The following CD200R1L variants were observed in gnomAD, a reference collection of about 807,000 sequenced individuals.
CD200R1L encodes the protein cell surface glycoprotein CD200 receptor 2.
A neutral mutation model predicts 24.8 loss-of-function variants in CD200R1L; 14 were observed. That is an observed-to-expected ratio of 0.56 (90% CI 0.37 to 0.88). The LOEUF (loss-of-function observed/expected upper bound fraction) is 0.88. CD200R1L is among the 40% of genes least tolerant of loss of function. The pLI is 0.00. For synonymous variants in CD200R1L, 111 were observed against 109.2 expected, an observed-to-expected ratio of 1.02 and a Z score of -0.11; for missense variants, 299 against 297.8, an observed-to-expected ratio of 1.00 and a Z score of -0.03.
At chr3:112,839,658 G>A (rs1433944984) in intron 2 of CD200R1L, among the ~76,000 whole-genome samples, 2 of 152,154 alleles carry the variant, frequency 1.3e-5, no homozygotes, top group Non-Finnish European at 2.9e-5. Flanking sequence ...AGTATCCTCT[G>A]CTGGAGTGAG....
intron 1 of CD200R1L, 36 bp from the exon 2 acceptor site, chr3:112,845,986 T>A (rs932199317): frequency 4.8e-6 from 2 of 417,216 alleles, no homozygotes; most frequent in Admixed American, 8.3e-5. Context: ...TGCTTACTAC[T>A]CATTGCTTCT....
chr3:112,843,109 A>T (rs189417140), intron 2 of CD200R1L, among the ~76,000 whole-genome samples: 197 of 152,238 alleles, frequency 1.3e-3, no homozygotes, highest in African/African-American at 4.4e-3. Flanking sequence ...TTTGCCCTAG[A>T]CAGGAAGAGA....
At chr3:112,824,880 G>T (rs1199084780) in intron 6 of CD200R1L, among the ~76,000 whole-genome samples, 1 of 152,128 alleles carries the variant, frequency 6.6e-6, no homozygotes, top group South Asian at 2.1e-4. Flanking sequence ...AACTTCAACA[G>T]GAATTGATCA....
chr3:112,837,020 C>T (rs1681276431), intron 3 of CD200R1L, among the ~76,000 whole-genome samples: 1 of 152,150 alleles, frequency 6.6e-6, no homozygotes, highest in African/African-American at 2.4e-5. Context: ...AATCTAAGGC[C>T]ACACATTTTT....
intron 3 of CD200R1L, among the ~76,000 whole-genome samples, chr3:112,834,518 G>T (rs1429937464): frequency 6.6e-6 from 1 of 152,176 alleles, no homozygotes; most frequent in Non-Finnish European, 1.5e-5. Flanking sequence ...ACAAAATGGA[G>T]TTGCCTTTTG....
In CD200R1L at chr3:112,815,789, A is replaced by G. The variant is rs1938368591; in HGVS notation, c.*174T>C. 3.4e-6 allele frequency: 2 copies of G among 589,488 alleles called. No homozygotes were observed. The highest frequency in any genetic ancestry group is 2.8e-5 in the East Asian group (1 of 35,506). 36.5% of individuals were successfully genotyped at this position (589,488 alleles called of 1,614,324 possible). ...GGTTGAGGGTTTATAGGGAAACTTC[A>G]TGGTCATCAAGCCCAGGATCCTTCT... is the stretch of plus-strand genomic sequence containing the variant. On this transcript the variant is annotated 3_prime_UTR_variant, in exon 8 of 8. Transcript: ENST00000488794.
chr3:112,843,529 C>A (rs753192468), intron 2 of CD200R1L, among the ~76,000 whole-genome samples: 4 of 152,184 alleles, frequency 2.6e-5, no homozygotes, highest in African/African-American at 4.8e-5. Flanking sequence ...AATTCATTGC[C>A]ACTAGGCCAA....
At chr3:112,823,851 C>T (rs1234565613) in intron 6 of CD200R1L, among the ~76,000 whole-genome samples, 5 of 152,140 alleles carry the variant, frequency 3.3e-5, no homozygotes, top group Admixed American at 2.0e-4. Context: ...AATACAAGCA[C>T]TTAACACTTT....
At chr3:112,843,506 C>A (rs550294929) in intron 2 of CD200R1L, among the ~76,000 whole-genome samples, 5 of 152,298 alleles carry the variant, frequency 3.3e-5, no homozygotes, top group South Asian at 2.1e-4. Context: ...CCTAAGCAAG[C>A]AAACACTAAG....
intron 4 of CD200R1L, 120 bp downstream of exon 4, chr3:112,829,199 G>C (rs1559923090): frequency 2.7e-6 from 2 of 732,416 alleles, no homozygotes; most frequent in South Asian, 1.7e-5. Context: ...ACAGCACTCA[G>C]ATCAACATGT....
At chr3:112,835,992 G>T (rs1208056293) in intron 3 of CD200R1L, among the ~76,000 whole-genome samples, 3 of 152,256 alleles carry the variant, frequency 2.0e-5, no homozygotes, top group Non-Finnish European at 2.9e-5. Flanking sequence ...CAAAGAGCAG[G>T]TGGCATGGTG....
intron 3 of CD200R1L, among the ~76,000 whole-genome samples, chr3:112,836,809 A>ATCTT (rs1938961377): frequency 6.6e-6 from 1 of 152,232 alleles, no homozygotes; most frequent in African/African-American, 2.4e-5. Flanking sequence ...GATATGTGGA[A>ATCTT]TCTTTGCCTC....
intron 6 of CD200R1L, among the ~76,000 whole-genome samples, chr3:112,824,606 A>G (rs1336066295): frequency 6.6e-6 from 1 of 152,250 alleles, no homozygotes; most frequent in Non-Finnish European, 1.5e-5. Flanking sequence ...AATAGAAGAA[A>G]TAAATCTACT....
intron 3 of CD200R1L, among the ~76,000 whole-genome samples, chr3:112,833,044 A>T (rs1359597658): frequency 6.6e-6 from 1 of 152,222 alleles, no homozygotes; most frequent in Non-Finnish European, 1.5e-5. Flanking sequence ...AGGGCCTGAC[A>T]CATTAGTGAA....
intron 3 of CD200R1L, 82 bp from the exon 4 acceptor site, chr3:112,829,466 C>T: frequency 7.2e-7 from 1 of 1,384,156 alleles, no homozygotes; most frequent in Non-Finnish European, 1.0e-6. Flanking sequence ...CAGTCTTACT[C>T]AACATGAAGA....
chr3:112,827,152 T>C lies in CD200R1L; in HGVS notation c.457A>G (p.Ile153Val), dbSNP rs775007452. The part of the protein sequence containing the change: ...TGKPAAQISW[I>V]PEGSILATKQ... Reference sequence around the variant, plus strand: ...GTGGCAAGAATAGATCCCTCTGGGATCCAGGAGATCTGGGCAGCTGGCTTC... The same window carrying C: ...GTGGCAAGAATAGATCCCTCTGGGACCCAGGAGATCTGGGCAGCTGGCTTC... The change falls in exon 6 of 8, where the codon ATC becomes GTC. Residue 153 changes from isoleucine (I) to valine (V), a missense_variant. Coordinates refer to ENST00000488794, the MANE Select transcript of CD200R1L (RefSeq NM_001199215.3). The C allele has an allele frequency of 6.2e-7, 1 of 1,613,586 alleles. No individual in the cohort carries two copies. Among genetic ancestry groups the C allele is most frequent in the East Asian group, 2.2e-5 (1 of 44,878 alleles).
At chr3:112,817,737 T>C (rs6773083) in intron 7 of CD200R1L, among the ~76,000 whole-genome samples, 99,794 of 152,084 alleles carry the variant, frequency 0.66, 34,108 homozygotes, top group Non-Finnish European at 0.76. Flanking sequence ...TATAATATCA[T>C]CCAATTTATG....
chr3:112,827,519 C>G lies in CD200R1L; in HGVS notation c.215G>C (p.Cys72Ser), dbSNP rs1224657845. 1.9e-6 allele frequency: 3 copies of G among 1,614,224 alleles called. No individual in the cohort carries two copies. The highest frequency in any genetic ancestry group is 2.2e-5 in the South Asian group (2 of 91,086). Residue 72 changes from cysteine (C) to serine (S), a missense_variant, in exon 5 of 8, where the codon TGT (cysteine) becomes TCT (serine). Transcript: ENST00000488794. ...GACCCAGGTTATTCTCTCAACAGTA[C>G]AGTTGGTTTCCTTGGTCTCATTTGT... ...KETNETKETN[C>S]TVERITWVSR...
At chr3:112,823,433 G>A (rs1278313233) in intron 6 of CD200R1L, among the ~76,000 whole-genome samples, 3 of 152,222 alleles carry the variant, frequency 2.0e-5, no homozygotes, top group African/African-American at 7.2e-5. Context: ...AAGGTCTTAT[G>A]AGACTAAGCC....
Sources: allele counts gnomAD v4.1 joint callset (sites outside exome capture counted in the v4.1 genomes callset), GRCh38; gene constraint gnomAD v4.1.1; transcripts MANE v1.5; gene names NCBI Gene and HGNC (gene_info 2026-07-23, HGNC 2026-07-21).